The following PTPN4 variants were observed in gnomAD, a reference collection of about 807,000 sequenced individuals.
PTPN4 encodes the protein protein tyrosine phosphatase non-receptor type 4.
PTPN4 carries 49 observed loss-of-function variants against 135.5 expected under a neutral mutation model. The ratio of observed to expected loss-of-function variants is 0.36; its 90% confidence interval spans 0.29 to 0.46. The LOEUF (loss-of-function observed/expected upper bound fraction) is 0.46, where lower values mean the gene tolerates loss of function less well. Ranked by LOEUF, PTPN4 falls within the 20% of genes least tolerant of loss-of-function variation. The pLI, the probability that PTPN4 is intolerant of heterozygous loss-of-function variation, is 1.00. For missense variants in PTPN4, 860 were observed against 1,101.0 expected (o/e 0.78, Z 3.10); for synonymous variants, 333 against 369.9 (o/e 0.90, Z 1.14).
At chr2:119,827,504 T>C (rs1212585990) in intron 2 of PTPN4, among the ~76,000 whole-genome samples, 1 of 152,198 alleles carries the variant, frequency 6.6e-6, no homozygotes, top group Non-Finnish European at 1.5e-5. Flanking sequence ...AGTATTTTAT[T>C]GAGGATTTTG....
chr2:119,938,345 T>C (rs1006328841), intron 15 of PTPN4, among the ~76,000 whole-genome samples: 11 of 151,946 alleles, frequency 7.2e-5, no homozygotes, highest in Admixed American at 2.6e-4. Context: ...GCCAGGATAG[T>C]CTCGATCTCC....
chr2:119,926,973 A>G (rs1251502994), intron 13 of PTPN4, among the ~76,000 whole-genome samples: 3 of 152,024 alleles, frequency 2.0e-5, no homozygotes, highest in Non-Finnish European at 4.4e-5. Flanking sequence ...ATTTTTGAGA[A>G]ATATAGTGAC....
At chr2:119,814,761 A>C (rs1217044221) in intron 2 of PTPN4, among the ~76,000 whole-genome samples, 1 of 152,208 alleles carries the variant, frequency 6.6e-6, no homozygotes, top group Non-Finnish European at 1.5e-5. Flanking sequence ...GATTGTCAAC[A>C]GTGCCTACCT....
At chr2:119,874,638 G>A (rs1677959763) in intron 3 of PTPN4, among the ~76,000 whole-genome samples, 2 of 152,082 alleles carry the variant, frequency 1.3e-5, no homozygotes, top group Admixed American at 6.6e-5. Context: ...GACTGACTGC[G>A]AATAGGTACA....
chr2:119,766,006 G>A (rs1419945497), intron 1 of PTPN4, among the ~76,000 whole-genome samples: 1 of 151,920 alleles, frequency 6.6e-6, no homozygotes, highest in Non-Finnish European at 1.5e-5. Context: ...GGCAATGAGT[G>A]GGATCATTTT....
intron 19 of PTPN4, among the ~76,000 whole-genome samples, chr2:119,953,312 A>G (rs1410774027): frequency 6.6e-6 from 1 of 152,182 alleles, no homozygotes; most frequent in Non-Finnish European, 1.5e-5. Flanking sequence ...TGTCACCACC[A>G]CACCCAACCC....
chr2:119,907,090 A>G (rs1280552909), intron 10 of PTPN4, among the ~76,000 whole-genome samples: 1 of 152,216 alleles, frequency 6.6e-6, no homozygotes, highest in East Asian at 1.9e-4. Flanking sequence ...GGAATAAACC[A>G]AGGAGGTGAA....
intron 1 of PTPN4, among the ~76,000 whole-genome samples, chr2:119,763,835 A>G (rs895841921): frequency 6.6e-6 from 1 of 152,192 alleles, no homozygotes; most frequent in African/African-American, 2.4e-5. Context: ...TGTGGCTAGT[A>G]GCTATAGTAT....
Position 119,880,023 on chromosome 2 carries a change from G to T in PTPN4, c.369-1763G>T, listed in dbSNP as rs560549924. On this transcript the variant is annotated intron_variant, in intron 5 of 26. Coordinates refer to ENST00000263708, the MANE Select transcript of PTPN4 (RefSeq NM_002830.4). ...AATATTCCTTTAATTTTGAAATTATGGGGGGGTGGGGGGCGGGAAAGAATG... is the reference window on the plus strand; with the variant it reads ...AATATTCCTTTAATTTTGAAATTATTGGGGGGTGGGGGGCGGGAAAGAATG... 4.5e-5 allele frequency: 5 copies of T among 111,634 alleles called. No homozygotes were observed. The East Asian group carries it at 9.5e-4, about 21-fold the overall frequency. The allele number at this position is 111,634 out of a possible 1,614,324, so 6.9% of individuals were successfully genotyped here. A position where few individuals can be genotyped will look rare whatever the true frequency, so the allele number is the denominator to read the frequency against.
At chr2:119,912,685 T>G (rs190879511) in intron 10 of PTPN4, among the ~76,000 whole-genome samples, 7 of 152,220 alleles carry the variant, frequency 4.6e-5, no homozygotes, top group African/African-American at 1.7e-4. Flanking sequence ...GATATTCATA[T>G]TGAAAACATC....
At chr2:119,860,964 G>C (rs560012826) in intron 2 of PTPN4, among the ~76,000 whole-genome samples, 14 of 151,784 alleles carry the variant, frequency 9.2e-5, no homozygotes, top group Non-Finnish European at 1.8e-4. Flanking sequence ...TCGCTTGAAC[G>C]TGGGAGGCGG....
intron 1 of PTPN4, among the ~76,000 whole-genome samples, chr2:119,779,375 T>A (rs2104926981): frequency 6.6e-6 from 1 of 152,312 alleles, no homozygotes; most frequent in South Asian, 2.1e-4. Flanking sequence ...CCCAGCACTT[T>A]GGGAGCCCGA....
At chr2:119,764,606 G>A (rs534759474) in intron 1 of PTPN4, among the ~76,000 whole-genome samples, 1 of 151,212 alleles carries the variant, frequency 6.6e-6, no homozygotes, top group African/African-American at 2.4e-5. Context: ...GTTAATATAT[G>A]CTTGTTTAGA....
intron 2 of PTPN4, among the ~76,000 whole-genome samples, chr2:119,822,361 C>A (rs529877228): frequency 2.3e-5 from 3 of 130,492 alleles, no homozygotes; most frequent in Non-Finnish European, 5.1e-5. Context: ...CCCCTCCCCC[C>A]CCCTTTTTTT....
At chr2:119,916,336 T>A (rs1461786369) in intron 11 of PTPN4, 2 of 152,152 alleles carry the variant, frequency 1.3e-5, no homozygotes, top group East Asian at 1.9e-4. Flanking sequence ...GCCACTGTAG[T>A]CCAGCATGGG....
At chr2:119,816,791 GC>G (rs1406643880) in intron 2 of PTPN4, among the ~76,000 whole-genome samples, 20 of 152,202 alleles carry the variant, frequency 1.3e-4, no homozygotes, top group African/African-American at 4.8e-4. Flanking sequence ...GGAAATGGAA[GC>G]AGGCTTTTCA....
chr2:119,828,662 A>G (rs1677178484), intron 2 of PTPN4, among the ~76,000 whole-genome samples: 1 of 152,220 alleles, frequency 6.6e-6, no homozygotes, highest in South Asian at 2.1e-4. Flanking sequence ...GCAGTTTATG[A>G]GACTGCATTT....
At chr2:119,928,239 G>A (rs942885737) in intron 13 of PTPN4, among the ~76,000 whole-genome samples, 1 of 152,058 alleles carries the variant, frequency 6.6e-6, no homozygotes, top group African/African-American at 2.4e-5. Flanking sequence ...TTCTTTGATT[G>A]TAAACTGTAA....
chr2:119,876,024 T>C (rs1032774572), intron 3 of PTPN4, among the ~76,000 whole-genome samples: 4 of 152,138 alleles, frequency 2.6e-5, no homozygotes, highest in Admixed American at 2.0e-4. Flanking sequence ...TGAAGAGTAC[T>C]GTAGGAAATC....
Sources: allele counts gnomAD v4.1 joint callset (sites outside exome capture counted in the v4.1 genomes callset), GRCh38; gene constraint gnomAD v4.1.1; transcripts MANE v1.5; gene names NCBI Gene and HGNC (gene_info 2026-07-23, HGNC 2026-07-21).